Variants in MAGI2 observed in about 807,000 individuals in gnomAD.
MAGI2 encodes the protein membrane-associated guanylate kinase, WW and PDZ domain-containing protein 2.
In MAGI2, 35 loss-of-function variants were observed where a neutral mutation model predicts 133.3. The observed-to-expected ratio is 0.26, with a 90% CI of 0.20 to 0.35. The LOEUF (loss-of-function observed/expected upper bound fraction) is 0.35. Among genes scored for constraint, MAGI2 ranks in the 10% least tolerant of loss-of-function variants. MAGI2 has a pLI of 1.00. For missense variants in MAGI2, 1,636 were observed against 1,863.4 expected, an observed-to-expected ratio of 0.88 and a Z score of 2.25; for synonymous variants, 729 against 710.6, an observed-to-expected ratio of 1.03 and a Z score of -0.41.
At chr7:78,752,238 G>A (rs1383699572) in intron 2 of MAGI2, among the ~76,000 whole-genome samples, 1 of 152,164 alleles carries the variant, frequency 6.6e-6, no homozygotes, top group Non-Finnish European at 1.5e-5. Flanking sequence ...CATTCTTGTG[G>A]ATTGGATAAT....
At chr7:78,486,270 C>A (rs1792993705) in intron 6 of MAGI2, 1 of 151,944 alleles carries the variant, frequency 6.6e-6, no homozygotes, top group Non-Finnish European at 1.5e-5. Flanking sequence ...CTCCTGAAAA[C>A]CACCTCCGAT....
At chr7:78,947,221 G>A (rs373857874) in intron 2 of MAGI2, among the ~76,000 whole-genome samples, 2 of 152,172 alleles carry the variant, frequency 1.3e-5, no homozygotes, top group East Asian at 3.9e-4. Context: ...TCTAAGAACA[G>A]GTACCATGGG....
At chr7:79,404,884 T>C (rs1845701943) in intron 1 of MAGI2, among the ~76,000 whole-genome samples, 1 of 152,148 alleles carries the variant, frequency 6.6e-6, no homozygotes, top group Admixed American at 6.5e-5. Flanking sequence ...CCCATATGTG[T>C]CCTCCTAGGC....
chr7:78,139,287 G>C (rs952915969), intron 16 of MAGI2, among the ~76,000 whole-genome samples: 3 of 152,138 alleles, frequency 2.0e-5, no homozygotes, highest in African/African-American at 4.8e-5. Context: ...TGAAACTCTT[G>C]GCAGCTAACG....
intron 3 of MAGI2, among the ~76,000 whole-genome samples, chr7:78,625,492 A>G (rs934517075): frequency 1.3e-5 from 2 of 152,246 alleles, no homozygotes; most frequent in African/African-American, 4.8e-5. Flanking sequence ...TTTATAAAGT[A>G]AAAAGTTACA....
chr7:79,343,736 A>T (rs1318574164), intron 1 of MAGI2, among the ~76,000 whole-genome samples: 39 of 152,170 alleles, frequency 2.6e-4, no homozygotes, highest in Admixed American at 2.6e-3. Flanking sequence ...TTGCCTTCAA[A>T]TTACTTTTTA....
At chr7:78,425,435 A>T (rs886332630) in intron 6 of MAGI2, among the ~76,000 whole-genome samples, 4 of 152,322 alleles carry the variant, frequency 2.6e-5, no homozygotes, top group Non-Finnish European at 5.9e-5. Context: ...AAATGGAAAG[A>T]TATGGAAATG....
At chr7:78,827,469 G>T (rs988689404) in intron 2 of MAGI2, among the ~76,000 whole-genome samples, 8 of 151,922 alleles carry the variant, frequency 5.3e-5, no homozygotes, top group Non-Finnish European at 1.2e-4. Flanking sequence ...GTAGAAACAG[G>T]GTCTTGTATG....
rs540240614 is a variant in MAGI2 at position 79,397,139 on chromosome 7, G to A, written c.301+55881C>T. 4.6e-4 allele frequency among the ~76,000 whole-genome samples: 69 copies of A among 149,572 alleles called. 1 individual carries two copies. In the South Asian group the frequency reaches 0.014, roughly 30 times the overall value. On this transcript the variant is annotated intron_variant, in intron 1 of 21. Coordinates refer to ENST00000354212, the MANE Select transcript of MAGI2 (RefSeq NM_012301.4). ...AATAAACTGATCCATAGGATTCACC[G>A]ATTCACTTTTTAGGAGTTATTATTT...
At chr7:79,108,822 C>T (rs1291135156) in intron 1 of MAGI2, among the ~76,000 whole-genome samples, 1 of 152,152 alleles carries the variant, frequency 6.6e-6, no homozygotes. Context: ...CTTGTGGCTT[C>T]TTGCTGTCCT....
At chr7:78,595,352 T>C (rs1301699901) in intron 3 of MAGI2, among the ~76,000 whole-genome samples, 1 of 152,218 alleles carries the variant, frequency 6.6e-6, no homozygotes, top group Non-Finnish European at 1.5e-5. Context: ...GACTTCAGTA[T>C]AAAATTAGGT....
chr7:79,019,563 T>C (rs1809079061), intron 1 of MAGI2, among the ~76,000 whole-genome samples: 1 of 152,074 alleles, frequency 6.6e-6, no homozygotes, highest in Non-Finnish European at 1.5e-5. Context: ...TTCTTTTTTT[T>C]TGAGATGGAG....
intron 1 of MAGI2, among the ~76,000 whole-genome samples, chr7:79,014,334 T>C (rs189714649): frequency 6.6e-6 from 1 of 152,260 alleles, no homozygotes; most frequent in East Asian, 1.9e-4. Flanking sequence ...GAAGAGAAAA[T>C]GAGTTCTCAG....
At chr7:79,433,960 T>C (rs17152499) in intron 1 of MAGI2, among the ~76,000 whole-genome samples, 24,065 of 152,130 alleles carry the variant, frequency 0.16, 2,064 homozygotes, top group East Asian at 0.29. Flanking sequence ...TCTAACGGTG[T>C]TTTTTAAGAA....
intron 1 of MAGI2, among the ~76,000 whole-genome samples, chr7:79,119,929 G>A (rs1344147369): frequency 6.6e-6 from 1 of 151,984 alleles, no homozygotes; most frequent in African/African-American, 2.4e-5. Context: ...TTAACGATAA[G>A]GTAAGTGTTG....
At chr7:78,486,855 G>A (rs772960146) in intron 6 of MAGI2, 36 of 498,132 alleles carry the variant, frequency 7.2e-5, no homozygotes, top group Middle Eastern at 3.6e-4. Context: ...CAGCAAAGAT[G>A]TACAGAGGTG....
chr7:78,962,310 CAT>C (rs1466757074), intron 2 of MAGI2, among the ~76,000 whole-genome samples: 41 of 152,030 alleles, frequency 2.7e-4, no homozygotes, highest in Admixed American at 2.7e-3. Flanking sequence ...GGATCCAAGT[CAT>C]ATTGTCATGC....
At chr7:78,536,975 CCT>C (rs1250647312) in intron 3 of MAGI2, among the ~76,000 whole-genome samples, 1 of 152,054 alleles carries the variant, frequency 6.6e-6, no homozygotes. Flanking sequence ...CATGCTTCCC[CCT>C]GAGTCCTCAG....
At chr7:78,763,627 G>T (rs1315447694) in intron 2 of MAGI2, among the ~76,000 whole-genome samples, 2 of 152,128 alleles carry the variant, frequency 1.3e-5, no homozygotes, top group Non-Finnish European at 2.9e-5. Flanking sequence ...TAGTAACATA[G>T]CTGGCAAGAA....
Sources: gnomAD v4.1 joint callset for allele counts (sites outside exome capture counted in the v4.1 genomes callset) on GRCh38, gnomAD v4.1.1 for gene constraint, MANE v1.5 for transcripts, NCBI Gene and HGNC (gene_info 2026-07-23, HGNC 2026-07-21) for gene names.